The following ZCCHC4 variants were observed in gnomAD, a reference collection of about 807,000 sequenced individuals.
ZCCHC4 encodes zinc finger CCHC-type containing 4, also known as rRNA N(6)-adenosine-methyltransferase ZCCHC4.
In ZCCHC4, 54 loss-of-function variants were observed where a neutral mutation model predicts 67.7. The observed-to-expected ratio is 0.80, with a 90% CI of 0.64 to 1.00. ZCCHC4 has a LOEUF of 1.00. Among genes scored for constraint, ZCCHC4 ranks in the 50% least tolerant of loss-of-function variants. The probability of loss-of-function intolerance (pLI) is 0.00; values close to 1 mark genes in which losing one functional copy is unlikely to be tolerated. For missense variants in ZCCHC4, 609 were observed against 617.0 expected, an observed-to-expected ratio of 0.99 and a Z score of 0.14; for synonymous variants, 198 against 213.5, an observed-to-expected ratio of 0.93 and a Z score of 0.63.
At chr4:25,350,651 T>C (rs965987457) in intron 7 of ZCCHC4, among the ~76,000 whole-genome samples, 1 of 152,182 alleles carries the variant, frequency 6.6e-6, no homozygotes, top group African/African-American at 2.4e-5. Flanking sequence ...TTGTTAAGAG[T>C]GTCAGGAATT....
chr4:25,335,716 C>T (rs139777773), intron 5 of ZCCHC4, among the ~76,000 whole-genome samples: 20 of 152,256 alleles, frequency 1.3e-4, no homozygotes, highest in East Asian at 7.7e-4. Context: ...GCCGAGATTG[C>T]GCCACTGCAT....
chr4:25,357,333 A>C (rs1313719319), intron 8 of ZCCHC4, among the ~76,000 whole-genome samples: 1 of 152,238 alleles, frequency 6.6e-6, no homozygotes, highest in Non-Finnish European at 1.5e-5. Context: ...GTAGTGACTG[A>C]ACACAGGGCT....
intron 5 of ZCCHC4, among the ~76,000 whole-genome samples, chr4:25,339,441 C>T (rs1719621960): frequency 6.6e-6 from 1 of 152,186 alleles, no homozygotes; most frequent in Non-Finnish European, 1.5e-5. Context: ...CATGTCCTTG[C>T]CAATGTTTAT....
chr4:25,367,978 G>A (rs555685089), intron 12 of ZCCHC4, among the ~76,000 whole-genome samples: 1 of 152,242 alleles, frequency 6.6e-6, no homozygotes, highest in African/African-American at 2.4e-5. Context: ...ATAGAGAGGG[G>A]GTGACTATCC....
chr4:25,347,968 T>C (rs1171488844), intron 6 of ZCCHC4, among the ~76,000 whole-genome samples: 1 of 152,176 alleles, frequency 6.6e-6, no homozygotes, highest in African/African-American at 2.4e-5. Context: ...CAGCAGCTTG[T>C]GTTTGGCTAT....
chr4:25,366,215 C>T (rs191336431), intron 12 of ZCCHC4: 134 of 953,650 alleles, frequency 1.4e-4, no homozygotes, highest in African/African-American at 8.5e-4. Context: ...ACAACTGCCT[C>T]GTTCCTACAT....
At chr4:25,326,055 A>G (rs911971892) in intron 3 of ZCCHC4, among the ~76,000 whole-genome samples, 9 of 152,250 alleles carry the variant, frequency 5.9e-5, no homozygotes, top group South Asian at 2.1e-4. Flanking sequence ...ATACAACGAC[A>G]TAGATTTATT....
At chr4:25,333,555 C>A in intron 4 of ZCCHC4, 97 bp downstream of exon 4, 1 of 1,319,238 alleles carries the variant, frequency 7.6e-7, no homozygotes, top group Non-Finnish European at 1.1e-6. Context: ...CAAGGTATAG[C>A]ATGAAGCTTT....
At chr4:25,331,902 TG>T (rs1336283927) in intron 3 of ZCCHC4, among the ~76,000 whole-genome samples, 1 of 152,244 alleles carries the variant, frequency 6.6e-6, no homozygotes, top group East Asian at 1.9e-4. Flanking sequence ...GTCACTGCCT[TG>T]GGTGCTTTGA....
At chr4:25,316,911 A>T (rs1311816666) in intron 3 of ZCCHC4, among the ~76,000 whole-genome samples, 2 of 152,186 alleles carry the variant, frequency 1.3e-5, no homozygotes, top group Non-Finnish European at 2.9e-5. Flanking sequence ...ATTTGCTGTG[A>T]TGTTTCTTTT....
At chr4:25,318,193 T>A (rs1258753958) in intron 3 of ZCCHC4, among the ~76,000 whole-genome samples, 1 of 152,162 alleles carries the variant, frequency 6.6e-6, no homozygotes, top group African/African-American at 2.4e-5. Flanking sequence ...TTGTATTCTG[T>A]CCTTAACACT....
In ZCCHC4 at chr4:25,349,825, A is replaced by G. The variant is rs566571096; in HGVS notation, c.910+183A>G. On this transcript the variant is annotated intron_variant, in intron 7 of 12. Transcript: ENST00000302874. ...TCATGATATACTTTGTATTATTCTA[A>G]TCATGTGGATTTTTTTAATGGCTTA... 160 of 621,550 alleles carry G rather than the reference A, an allele frequency of 2.6e-4. 1 individual carries two copies. Among genetic ancestry groups the G allele is most frequent in the Non-Finnish European group, 4.2e-4 (155 of 372,724 alleles). 38.5% of individuals were successfully genotyped at this position (621,550 alleles called of 1,614,324 possible).
intron 8 of ZCCHC4, chr4:25,352,005 A>G: frequency 1.9e-6 from 2 of 1,026,098 alleles, no homozygotes; most frequent in Non-Finnish European, 2.3e-6. Context: ...GTCTTTCATC[A>G]TCACTAGGAG....
intron 3 of ZCCHC4, among the ~76,000 whole-genome samples, chr4:25,325,222 C>T (rs186976931): frequency 0.055 from 5,166 of 93,490 alleles, 235 homozygotes; most frequent in Middle Eastern, 0.097. Context: ...CCAGCCTGGG[C>T]GACAGGGAGA....
intron 3 of ZCCHC4, among the ~76,000 whole-genome samples, chr4:25,327,426 T>TTCCCTCC (rs1553896298): frequency 2.2e-4 from 19 of 87,548 alleles, no homozygotes; most frequent in Admixed American, 1.5e-3. Flanking sequence ...CCTTCCCTCC[T>TTCCCTCC]TCCCTCCTTC....
At chr4:25,353,648 G>A (rs1029342069) in intron 8 of ZCCHC4, among the ~76,000 whole-genome samples, 8 of 152,220 alleles carry the variant, frequency 5.3e-5, no homozygotes, top group Non-Finnish European at 1.0e-4. Context: ...GAGTGAAATA[G>A]CATGAACCCT....
intron 5 of ZCCHC4, among the ~76,000 whole-genome samples, chr4:25,336,692 GGC>G (rs1191325603): frequency 1.3e-4 from 20 of 152,152 alleles, no homozygotes; most frequent in Non-Finnish European, 1.6e-4. Flanking sequence ...TCACCATGTT[GGC>G]CAGGCTGATC....
chr4:25,333,551 A>G lies in ZCCHC4; in HGVS notation c.605+93A>G, dbSNP rs978948328. The stretch of plus-strand genomic sequence containing the variant: ...AGTAGTTACTTACTCTGTGCAAGGT[A>G]TAGCATGAAGCTTTGAGTATTTAAA... On this transcript the variant is annotated intron_variant, in intron 4 of 12. Coordinates refer to ENST00000302874, the MANE Select transcript of ZCCHC4 (RefSeq NM_024936.3). 51 of 1,350,102 alleles carry G rather than the reference A, an allele frequency of 3.8e-5. No homozygotes were observed. In the East Asian group the frequency reaches 1.0e-3, roughly 27 times the overall value. 83.6% of individuals were successfully genotyped at this position (1,350,102 alleles called of 1,614,324 possible). A position where few individuals can be genotyped will look rare whatever the true frequency, so the allele number is the denominator to read the frequency against.
chr4:25,341,867 C>T (rs1021251288), intron 5 of ZCCHC4, among the ~76,000 whole-genome samples: 7 of 152,146 alleles, frequency 4.6e-5, no homozygotes, highest in Non-Finnish European at 8.8e-5. Context: ...ATTTATATGG[C>T]CCCTTAGCTA....
Sources: gnomAD v4.1 joint callset for allele counts (sites outside exome capture counted in the v4.1 genomes callset) on GRCh38, gnomAD v4.1.1 for gene constraint, MANE v1.5 for transcripts, NCBI Gene and HGNC (gene_info 2026-07-23, HGNC 2026-07-21) for gene names.